GGPS1: variants seen among roughly 807,000 people sequenced by gnomAD.
GGPS1 encodes geranylgeranyl diphosphate synthase 1.
Under a neutral mutation model 28.1 loss-of-function variants are expected in GGPS1, and 15 were observed. The observed-to-expected ratio is 0.53, with a 90% CI of 0.36 to 0.82. The LOEUF (loss-of-function observed/expected upper bound fraction) is 0.82. GGPS1 is among the 40% of genes least tolerant of loss of function. The pLI is 0.01. For synonymous variants in GGPS1, 138 were observed against 122.4 expected (o/e 1.13, Z -0.84); for missense variants, 284 against 348.3 (o/e 0.82, Z 1.47).
chr1:235,333,037 C>T (rs1239896546), intron 1 of GGPS1, among the ~76,000 whole-genome samples: 1 of 136,292 alleles, frequency 7.3e-6, no homozygotes, highest in African/African-American at 2.9e-5. Context: ...CACTGCACTC[C>T]AGCCTGGGCG....
intron 2 of GGPS1, among the ~76,000 whole-genome samples, chr1:235,340,735 CAAAAAAAAAAA>C (rs1165162184): frequency 3.9e-5 from 2 of 50,994 alleles, no homozygotes; most frequent in African/African-American, 8.4e-5. Context: ...GACTCCGTCT[CAAAAAAAAAAA>C]AAAAAAAAAA....
chr1:235,340,924 A>G (rs998706394), intron 2 of GGPS1, among the ~76,000 whole-genome samples: 35 of 152,256 alleles, frequency 2.3e-4, no homozygotes, highest in Admixed American at 7.2e-4. Flanking sequence ...ACCTTAATTC[A>G]AAGGAGAAAT....
Position 235,342,055 on chromosome 1 carries a change from C to T in GGPS1, c.186C>T (p.Leu62=). The T allele has an allele frequency of 2.5e-6, 4 of 1,603,388 alleles. No homozygotes were observed. The highest frequency in any genetic ancestry group is 3.4e-6 in the Non-Finnish European group (4 of 1,173,988). Residue 62 remains leucine (L), a synonymous_variant, in exon 4 of 4, where the codon CTC becomes CTT. Coordinates refer to ENST00000282841, the MANE Select transcript of GGPS1 (RefSeq NM_004837.4). The part of the protein sequence containing the change: ...VTEMLHNASL[L]IDDIEDNSKL... ...AAATGTTGCATAATGCCAGTTTACT[C>T]ATCGATGATATTGAAGACAACTCAA...
Position 235,342,897 on chromosome 1 carries a change from G to A in GGPS1, c.*125G>A, listed in dbSNP as rs1197032091. On this transcript the variant is annotated 3_prime_UTR_variant, in exon 4 of 4. Coordinates refer to ENST00000282841, the MANE Select transcript of GGPS1 (RefSeq NM_004837.4). ...AACAGTAAATAGGTGAGTAGGGGTG[G>A]TGCAAGTGAATTCGTTTTCATTTAG... 1 of 621,564 alleles carries A rather than the reference G, an allele frequency of 1.6e-6. No individual in the cohort carries two copies. Among genetic ancestry groups the A allele is most frequent in the South Asian group, 2.3e-5 (1 of 43,930 alleles). The allele number at this position is 621,564 out of a possible 1,614,324, so 38.5% of individuals were successfully genotyped here. A position where few individuals can be genotyped will look rare whatever the true frequency, so the allele number is the denominator to read the frequency against.
At chr1:235,331,333 C>G (rs959224317) in intron 1 of GGPS1, among the ~76,000 whole-genome samples, 1 of 152,102 alleles carries the variant, frequency 6.6e-6, no homozygotes, top group African/African-American at 2.4e-5. Context: ...AAAAAATATG[C>G]CTTTCAATCC....
intron 2 of GGPS1, among the ~76,000 whole-genome samples, chr1:235,337,623 T>C (rs1675908034): frequency 1.3e-5 from 2 of 152,094 alleles, no homozygotes; most frequent in Admixed American, 6.6e-5. Flanking sequence ...TATCAGTATT[T>C]TCTGAAGTCA....
chr1:235,332,141 T>C (rs572987078), intron 1 of GGPS1, among the ~76,000 whole-genome samples: 34 of 152,348 alleles, frequency 2.2e-4, no homozygotes, highest in African/African-American at 7.7e-4. Context: ...TGCATTGTAG[T>C]GAAGTCAGGA....
intron 2 of GGPS1, among the ~76,000 whole-genome samples, chr1:235,340,074 A>G (rs984241633): frequency 1.3e-5 from 2 of 151,572 alleles, no homozygotes; most frequent in African/African-American, 4.9e-5. Flanking sequence ...GGAGGTTGCA[A>G]GTGAGCCGAG....
chr1:235,334,338 G>A (rs1396124100), intron 1 of GGPS1, among the ~76,000 whole-genome samples: 3 of 152,150 alleles, frequency 2.0e-5, no homozygotes, highest in African/African-American at 7.2e-5. Flanking sequence ...TAAGCCTTTT[G>A]TGGTTGATTA....
At position 235,335,224 on chromosome 1, in the gene GGPS1, G is replaced by A; in HGVS notation, c.-23-18G>A. On this transcript the variant is annotated intron_variant, in intron 1 of 3. Transcript: ENST00000282841. ...ATGATTAGTTTCATGTGATCTTTAT[G>A]TTTCTCCTTTTTGACAGATTAGCTT... The A allele has an allele frequency of 1.0e-6, 1 of 995,260 alleles. No homozygotes were observed. The highest frequency in any genetic ancestry group is 1.4e-5 in the South Asian group (1 of 73,808). 61.7% of individuals were successfully genotyped at this position (995,260 alleles called of 1,614,324 possible). A position where few individuals can be genotyped will look rare whatever the true frequency, so the allele number is the denominator to read the frequency against.
intron 1 of GGPS1, among the ~76,000 whole-genome samples, chr1:235,334,663 T>G (rs1675813831): frequency 1.3e-5 from 2 of 152,346 alleles, no homozygotes; most frequent in South Asian, 4.1e-4. Context: ...TTCGTATAAA[T>G]GGAATCATAC....
At chr1:235,336,870 T>A (rs1675885496) in intron 2 of GGPS1, 1 of 153,348 alleles carries the variant, frequency 6.5e-6, no homozygotes, top group African/African-American at 2.4e-5. Context: ...GAATGCTTGC[T>A]CCTGTGCTAC....
chr1:235,328,273 T>A (rs190363078), upstream of GGPS1: 1 of 142,816 alleles, frequency 7.0e-6, no homozygotes, highest in Admixed American at 7.2e-5. Flanking sequence ...CCGGATGGCC[T>A]CTTAGACGAC....
In GGPS1 at chr1:235,342,864, T is replaced by A. The variant is rs1399334772; in HGVS notation, c.*92T>A. The A allele has an allele frequency of 4.6e-6, 4 of 869,950 alleles. No individual in the cohort carries two copies. In the East Asian group the frequency reaches 1.0e-4, roughly 22 times the overall value. 53.9% of individuals were successfully genotyped at this position (869,950 alleles called of 1,614,324 possible). ...TACCACCTTTTAAAAAATTTGTTAT[T>A]CTCCAGAAACAGTAAATAGGTGAGT... On this transcript the variant is annotated 3_prime_UTR_variant, in exon 4 of 4. Coordinates refer to ENST00000282841, the MANE Select transcript of GGPS1 (RefSeq NM_004837.4).
chr1:235,342,058 C>A lies in GGPS1; in HGVS notation c.189C>A (p.Ile63=). ...TGTTGCATAATGCCAGTTTACTCAT[C>A]GATGATATTGAAGACAACTCAAAAC... The part of the protein sequence containing the change: ...TEMLHNASLL[I]DDIEDNSKLR... Residue 63 remains isoleucine (I), a synonymous_variant, in exon 4 of 4, where the codon ATC becomes ATA. Transcript: ENST00000282841. 6.2e-7 allele frequency: 1 copy of A among 1,603,910 alleles called. No homozygotes were observed. Among genetic ancestry groups the A allele is most frequent in the Non-Finnish European group, 8.5e-7 (1 of 1,174,156 alleles).
At chr1:235,333,212 C>G (rs192636272) in intron 1 of GGPS1, among the ~76,000 whole-genome samples, 25 of 151,808 alleles carry the variant, frequency 1.6e-4, no homozygotes, top group African/African-American at 5.8e-4. Context: ...GCAGCTGTAT[C>G]AGAATCATAC....
chr1:235,338,491 G>A (rs1464747701), intron 2 of GGPS1, among the ~76,000 whole-genome samples: 8 of 152,140 alleles, frequency 5.3e-5, no homozygotes, highest in Admixed American at 3.9e-4. Flanking sequence ...GCCATATATT[G>A]TACTGTTTTC....
chr1:235,336,491 C>T (rs1054425943), intron 2 of GGPS1, among the ~76,000 whole-genome samples: 1 of 152,098 alleles, frequency 6.6e-6, no homozygotes, highest in East Asian at 1.9e-4. Flanking sequence ...TTAGAATATT[C>T]TTTCTCATAG....
intron 1 of GGPS1, chr1:235,330,319 C>G (rs1341587665): frequency 6.6e-6 from 1 of 152,198 alleles, no homozygotes; most frequent in African/African-American, 2.4e-5. Context: ...CCCGTCTCTA[C>G]TAAAAATACA....
Sources: allele counts gnomAD v4.1 joint callset (sites outside exome capture counted in the v4.1 genomes callset), GRCh38; gene constraint gnomAD v4.1.1; transcripts MANE v1.5; gene names NCBI Gene and HGNC (gene_info 2026-07-23, HGNC 2026-07-21).